The following TGS1 variants were observed in gnomAD, a reference collection of about 807,000 sequenced individuals.
TGS1 encodes the protein trimethylguanosine synthase.
In TGS1, 69 loss-of-function variants were observed where a neutral mutation model predicts 92.2. The observed-to-expected ratio is 0.75, with a 90% CI of 0.62 to 0.91. The LOEUF (loss-of-function observed/expected upper bound fraction) is 0.91. Ranked by LOEUF, TGS1 falls within the 40% of genes least tolerant of loss-of-function variation. The probability of loss-of-function intolerance (pLI) is 0.00; values close to 1 mark genes in which losing one functional copy is unlikely to be tolerated. For synonymous variants in TGS1, 345 were observed against 338.1 expected (o/e 1.02, Z -0.22); for missense variants, 1,062 against 1,001.2 (o/e 1.06, Z -0.82).
At chr8:55,787,911 G>T (rs1563454300) in intron 4 of TGS1, among the ~76,000 whole-genome samples, 2 of 152,144 alleles carry the variant, frequency 1.3e-5, no homozygotes, top group Non-Finnish European at 2.9e-5. Flanking sequence ...GAGGGGGGAG[G>T]TCCCAGGCTC....
chr8:55,800,175 G>T (rs1812182363), intron 8 of TGS1, among the ~76,000 whole-genome samples: 2 of 151,840 alleles, frequency 1.3e-5, no homozygotes, highest in African/African-American at 2.4e-5. Flanking sequence ...AAGTGTGGGT[G>T]TATGTGTATG....
intron 8 of TGS1, among the ~76,000 whole-genome samples, chr8:55,801,156 T>G (rs1812201636): frequency 6.6e-6 from 1 of 152,350 alleles, no homozygotes; most frequent in Admixed American, 6.5e-5. Context: ...ATTCACCACA[T>G]AAAGCAGTGT....
In TGS1 at chr8:55,824,762, T is replaced by C; in HGVS notation, c.*59T>C. On this transcript the variant is annotated 3_prime_UTR_variant, in exon 13 of 13. Transcript: ENST00000260129. ...GTGGTCAAAATATTCAGATGAGACA[T>C]TTGGCATGTCTTCCTTTATTCACTG... 1 of 1,590,670 alleles carries C rather than the reference T, an allele frequency of 6.3e-7. No individual in the cohort carries two copies. Among genetic ancestry groups the C allele is most frequent in the East Asian group, 2.2e-5 (1 of 44,448 alleles).
chr8:55,780,344 TG>T (rs763278425), intron 1 of TGS1, among the ~76,000 whole-genome samples: 12 of 151,986 alleles, frequency 7.9e-5, no homozygotes, highest in Admixed American at 5.9e-4. Context: ...TAATTTTTTT[TG>T]TTTTTTCTAG....
chr8:55,799,869 C>G, intron 8 of TGS1, among the ~76,000 whole-genome samples: 1 of 152,146 alleles, frequency 6.6e-6, no homozygotes, highest in East Asian at 1.9e-4. Context: ...CCACCATGCT[C>G]AGGCTGGTTT....
At chr8:55,777,782 G>A (rs1017687446) in intron 1 of TGS1, among the ~76,000 whole-genome samples, 2 of 151,200 alleles carry the variant, frequency 1.3e-5, no homozygotes, top group African/African-American at 4.9e-5. Context: ...TGATCTGCCC[G>A]CCTTGGCCTC....
At chr8:55,797,953 T>C (rs1812105454) in intron 7 of TGS1, among the ~76,000 whole-genome samples, 1 of 152,228 alleles carries the variant, frequency 6.6e-6, no homozygotes, top group African/African-American at 2.4e-5. Flanking sequence ...GGTTGGCTGC[T>C]GGTGATGTTT....
At chr8:55,808,463 C>G (rs1204662131) in intron 10 of TGS1, among the ~76,000 whole-genome samples, 1 of 151,856 alleles carries the variant, frequency 6.6e-6, no homozygotes, top group Non-Finnish European at 1.5e-5. Context: ...TCTCAGATTA[C>G]TCAAACCGTC....
intron 2 of TGS1, among the ~76,000 whole-genome samples, chr8:55,783,289 G>A (rs775293596): frequency 6.6e-5 from 10 of 152,094 alleles, no homozygotes; most frequent in Non-Finnish European, 1.3e-4. Context: ...TATGGTGGTG[G>A]GCACCTATAA....
chr8:55,780,731 T>C (rs1563449712), intron 1 of TGS1, among the ~76,000 whole-genome samples: 1 of 152,166 alleles, frequency 6.6e-6, no homozygotes, highest in Non-Finnish European at 1.5e-5. Flanking sequence ...CATTTATTAG[T>C]TAGTATTCTG....
rs925538849 is a variant in TGS1, at chr8:55,799,160, C to G, written c.1789C>G (p.Pro597Ala). ...AAGAGACAGCTTGCTAGCAACTGTT[C>G]CAGATGAGCAGGATTGTGTTACTCA... ...YERDSLLATV[P>A]DEQDCVTQEV... Residue 597 changes from proline (P) to alanine (A), a missense_variant, in exon 8 of 13, where the codon CCA becomes GCA. Transcript: ENST00000260129. The G allele has an allele frequency of 2.5e-6, 4 of 1,614,044 alleles. No individual in the cohort carries two copies. The highest frequency in any genetic ancestry group is 2.2e-5 in the South Asian group (2 of 91,082).
intron 1 of TGS1, among the ~76,000 whole-genome samples, chr8:55,781,826 C>T (rs1386571332): frequency 6.6e-5 from 10 of 152,204 alleles, no homozygotes; most frequent in Admixed American, 6.5e-4. Flanking sequence ...TTAGCTTCCA[C>T]TTGCAATTGG....
intron 2 of TGS1, among the ~76,000 whole-genome samples, chr8:55,783,698 G>A (rs1051659525): frequency 7.9e-5 from 12 of 152,148 alleles, no homozygotes; most frequent in African/African-American, 1.9e-4. Flanking sequence ...GAAAATTACA[G>A]CGTGGAGTTA....
intron 5 of TGS1, among the ~76,000 whole-genome samples, chr8:55,791,395 C>G (rs1217071578): frequency 1.3e-5 from 2 of 152,222 alleles, no homozygotes; most frequent in East Asian, 3.8e-4. Flanking sequence ...CACAGTCTCA[C>G]AAGCCCAATT....
At chr8:55,781,003 G>T (rs1054428116) in intron 1 of TGS1, among the ~76,000 whole-genome samples, 4 of 152,156 alleles carry the variant, frequency 2.6e-5, no homozygotes, top group Admixed American at 2.6e-4. Context: ...GCTCCAACCT[G>T]GAATTGTCAT....
intron 1 of TGS1, among the ~76,000 whole-genome samples, chr8:55,778,335 T>C (rs1811458791): frequency 6.6e-6 from 1 of 152,194 alleles, no homozygotes; most frequent in African/African-American, 2.4e-5. Context: ...CTGTATGACA[T>C]GAGAGCCTTT....
chr8:55,786,553 C>T lies in TGS1; in HGVS notation c.655C>T (p.Pro219Ser). 4 of 1,614,148 alleles carry T rather than the reference C, an allele frequency of 2.5e-6. No homozygotes were observed. The highest frequency in any genetic ancestry group is 3.4e-6 in the Non-Finnish European group (4 of 1,180,018). Residue 219 changes from proline (P) to serine (S), a missense_variant, in exon 4 of 13, where the codon CCG becomes TCG. Coordinates refer to ENST00000260129, the MANE Select transcript of TGS1 (RefSeq NM_024831.8). The stretch of plus-strand genomic sequence containing the variant: ...GTGGCAAAGTTGGCAAGAAAAACAT[C>T]CGGGTCAAGCACTATCTTCTGAACC... ...LLWQSWQEKHPGQALSSEPWN... is the reference protein window; with the variant it reads ...LLWQSWQEKHSGQALSSEPWN...
intron 1 of TGS1, among the ~76,000 whole-genome samples, chr8:55,776,812 C>T (rs959040466): frequency 1.3e-5 from 2 of 150,670 alleles, no homozygotes; most frequent in African/African-American, 5.0e-5. Context: ...GACAGAGACT[C>T]TCCTTAACCA....
chr8:55,802,011 G>A (rs1391454648), intron 8 of TGS1, among the ~76,000 whole-genome samples: 3 of 152,110 alleles, frequency 2.0e-5, no homozygotes, highest in South Asian at 4.1e-4. Flanking sequence ...TGACTAACAC[G>A]GTGAAACCCC....
Sources: allele counts gnomAD v4.1 joint callset (sites outside exome capture counted in the v4.1 genomes callset), GRCh38; gene constraint gnomAD v4.1.1; transcripts MANE v1.5; gene names NCBI Gene and HGNC (gene_info 2026-07-23, HGNC 2026-07-21).